The following B4GALNT3 variants were observed in gnomAD, a reference collection of about 807,000 sequenced individuals.
The protein encoded by B4GALNT3 is beta-1,4-N-acetylgalactosaminyltransferase 3.
B4GALNT3 carries 86 observed loss-of-function variants against 120.2 expected under a neutral mutation model. That is an observed-to-expected ratio of 0.72 (90% CI 0.60 to 0.86). The LOEUF (loss-of-function observed/expected upper bound fraction) is 0.86, where lower values mean the gene tolerates loss of function less well. Ranked by LOEUF, B4GALNT3 falls within the 40% of genes least tolerant of loss-of-function variation. B4GALNT3 has a pLI of 0.00. For synonymous variants in B4GALNT3, 518 were observed against 510.4 expected (o/e 1.01, Z -0.20); for missense variants, 1,167 against 1,298.9 (o/e 0.90, Z 1.56).
At chr12:466,515 C>T (rs1946082587) in intron 1 of B4GALNT3, among the ~76,000 whole-genome samples, 1 of 152,170 alleles carries the variant, frequency 6.6e-6, no homozygotes, top group African/African-American at 2.4e-5. Flanking sequence ...AATTCTTTGA[C>T]CTTGTGATTC....
chr12:506,023 G>C (rs940804665), intron 1 of B4GALNT3, among the ~76,000 whole-genome samples: 13 of 152,260 alleles, frequency 8.5e-5, no homozygotes, highest in African/African-American at 3.1e-4. Context: ...AACCCGATTT[G>C]TCTGTCTCAT....
At chr12:493,205 G>A (rs1283348050) in intron 1 of B4GALNT3, among the ~76,000 whole-genome samples, 1 of 152,202 alleles carries the variant, frequency 6.6e-6, no homozygotes, top group Non-Finnish European at 1.5e-5. Flanking sequence ...ATAAAGGATT[G>A]TAATCCAAAA....
chr12:545,994 T>G (rs1360564190), intron 6 of B4GALNT3, among the ~76,000 whole-genome samples: 5 of 43,646 alleles, frequency 1.1e-4, no homozygotes, highest in Non-Finnish European at 1.8e-4. Context: ...ATGAGAGGAG[T>G]GGGGAGGTGA....
intron 1 of B4GALNT3, among the ~76,000 whole-genome samples, chr12:482,923 C>G (rs977524812): frequency 1.3e-5 from 2 of 152,024 alleles, no homozygotes; most frequent in Admixed American, 1.3e-4. Context: ...CTCTTTTTTT[C>G]TGGAGACAGG....
chr12:476,243 T>G (rs1234230901), intron 1 of B4GALNT3, among the ~76,000 whole-genome samples: 1 of 152,190 alleles, frequency 6.6e-6, no homozygotes, highest in East Asian at 1.9e-4. Flanking sequence ...AGTGAAATAA[T>G]ACAGATAAAG....
At chr12:470,526 A>G (rs1056829991) in intron 1 of B4GALNT3, among the ~76,000 whole-genome samples, 1 of 152,314 alleles carries the variant, frequency 6.6e-6, no homozygotes, top group South Asian at 2.1e-4. Flanking sequence ...ACACAGCGCA[A>G]TACGTACTCT....
intron 3 of B4GALNT3, 84 bp downstream of exon 3, chr12:536,379 T>C (rs1946860273): frequency 1.7e-6 from 2 of 1,154,326 alleles, no homozygotes; most frequent in Admixed American, 1.8e-5. Flanking sequence ...CAGAAAACTT[T>C]CTACTAGGGA....
Position 507,571 on chromosome 12 carries a change from C to T in B4GALNT3, c.170-27595C>T, listed in dbSNP as rs139239569. ...GGGCACTGCTGTTGTGGCGACCCTTCACCCCACGCCCTCCACCCTACATCC... is the reference window on the plus strand; with the variant it reads ...GGGCACTGCTGTTGTGGCGACCCTTTACCCCACGCCCTCCACCCTACATCC... On this transcript the variant is annotated intron_variant, in intron 1 of 19. Coordinates refer to ENST00000266383, the MANE Select transcript of B4GALNT3 (RefSeq NM_173593.4). Among the ~76,000 whole-genome samples, 567 of 152,346 alleles carry T rather than the reference C, an allele frequency of 3.7e-3. 4 individuals are homozygous for T. The highest frequency in any genetic ancestry group is 0.013 in the African/African-American group (531 of 41,584).
chr12:544,529 A>G, intron 4 of B4GALNT3, 95 bp downstream of exon 4: 4 of 1,166,326 alleles, frequency 3.4e-6, no homozygotes, highest in Non-Finnish European at 5.1e-6. Context: ...TTTCTGGTCC[A>G]TATTTTCTCC....
chr12:552,067 A>G lies in B4GALNT3; in HGVS notation c.1112A>G (p.His371Arg), dbSNP rs1228870615. 7.5e-6 allele frequency: 12 copies of G among 1,602,416 alleles called. No individual in the cohort carries two copies. The highest frequency in any genetic ancestry group is 5.0e-5 in the Admixed American group (3 of 59,964). ...LQRYQGLRFV[H>R]LSFVYPNDYT... ...TGCTGATTTTTCCACTTCCAGGTTC[A>G]TCTGTCTTTTGTTTACCCCAATGAC... The change falls in exon 12 of 20, where the codon CAT becomes CGT. Residue 371 changes from histidine (H) to arginine (R), a missense_variant. His to Arg is a conservative substitution (Grantham distance 29). Coordinates refer to ENST00000266383, the MANE Select transcript of B4GALNT3 (RefSeq NM_173593.4).
intron 1 of B4GALNT3, among the ~76,000 whole-genome samples, chr12:511,437 A>G (rs1206002816): frequency 3.0e-4 from 10 of 32,836 alleles, no homozygotes; most frequent in African/African-American, 7.8e-4. Context: ...ACCTTCTTCC[A>G]CCTTCCACCT....
chr12:472,100 A>T (rs1313006189), intron 1 of B4GALNT3, among the ~76,000 whole-genome samples: 2 of 152,208 alleles, frequency 1.3e-5, no homozygotes, highest in African/African-American at 4.8e-5. Context: ...AATATAGCAT[A>T]AGCTAAGTGG....
At chr12:467,371 C>T (rs973426561) in intron 1 of B4GALNT3, among the ~76,000 whole-genome samples, 2 of 152,218 alleles carry the variant, frequency 1.3e-5, no homozygotes, top group African/African-American at 2.4e-5. Context: ...CCAGCCCGGC[C>T]AACATGATGA....
In B4GALNT3 at chr12:535,279, C is replaced by T. The variant is rs1379986754; in HGVS notation, c.273+10C>T. 5 of 1,611,426 alleles carry T rather than the reference C, an allele frequency of 3.1e-6. No homozygotes were observed. In the East Asian group the frequency reaches 6.7e-5, roughly 22 times the overall value. On this transcript the variant is annotated intron_variant, in intron 2 of 19. Transcript: ENST00000266383. Reference sequence around the variant, plus strand: ...GAGGCTGAGCCTCGAGGTAGGTGACCAGCCAGTCCATTGTCCCTGCTGATG... The same window carrying T: ...GAGGCTGAGCCTCGAGGTAGGTGACTAGCCAGTCCATTGTCCCTGCTGATG...
chr12:534,018 T>C (rs1946834064), intron 1 of B4GALNT3, among the ~76,000 whole-genome samples: 1 of 152,188 alleles, frequency 6.6e-6, no homozygotes, highest in South Asian at 2.1e-4. Context: ...TACTGTCGAC[T>C]CTTGGCTCCC....
intron 1 of B4GALNT3, among the ~76,000 whole-genome samples, chr12:470,518 A>G (rs1373475224): frequency 1.3e-5 from 2 of 152,216 alleles, no homozygotes; most frequent in African/African-American, 4.8e-5. Flanking sequence ...GACCAGGCAC[A>G]CAGCGCAATA....
chr12:534,971 A>T (rs1946843377), intron 1 of B4GALNT3, among the ~76,000 whole-genome samples, 195 bp from the exon 2 acceptor site: 2 of 152,146 alleles, frequency 1.3e-5, no homozygotes, highest in Non-Finnish European at 2.9e-5. Flanking sequence ...ATGTAAGCTC[A>T]TCTCCTCTCT....
intron 18 of B4GALNT3, 68 bp from the exon 19 acceptor site, chr12:559,227 T>C: frequency 1.2e-6 from 2 of 1,601,780 alleles, no homozygotes; most frequent in East Asian, 4.5e-5. Context: ...GCACACAGCC[T>C]GGAAGCCTCC....
intron 3 of B4GALNT3, among the ~76,000 whole-genome samples, chr12:540,849 T>G (rs997914617): frequency 1.3e-5 from 2 of 152,156 alleles, no homozygotes; most frequent in Non-Finnish European, 2.9e-5. Flanking sequence ...GTTCACACCA[T>G]TCTCCTGCCT....
Sources: gnomAD v4.1 joint callset for allele counts (sites outside exome capture counted in the v4.1 genomes callset) on GRCh38, gnomAD v4.1.1 for gene constraint, MANE v1.5 for transcripts, NCBI Gene and HGNC (gene_info 2026-07-23, HGNC 2026-07-21) for gene names.